SPTLC1: variants seen among roughly 807,000 people sequenced by gnomAD.
The protein encoded by SPTLC1 is serine palmitoyltransferase long chain base subunit 1, also known as serine palmitoyltransferase 1.
A neutral mutation model predicts 68.9 loss-of-function variants in SPTLC1; 55 were observed. That is an observed-to-expected ratio of 0.80 (90% CI 0.64 to 1.00). SPTLC1 has a LOEUF of 1.00. Ranked by LOEUF, SPTLC1 falls within the 50% of genes least tolerant of loss-of-function variation. The pLI, the probability that SPTLC1 is intolerant of heterozygous loss-of-function variation, is 0.00. For synonymous variants in SPTLC1, 197 were observed against 201.6 expected (o/e 0.98, Z 0.19); for missense variants, 449 against 573.1 (o/e 0.78, Z 2.21).
chr9:92,112,672 T>G, intron 1 of SPTLC1, 110 bp from the exon 2 acceptor site: 1 of 699,546 alleles, frequency 1.4e-6, no homozygotes, highest in South Asian at 1.6e-5. Context: ...AGCCTATTCT[T>G]AACAATTTAC....
chr9:92,115,290 G>T (rs756947693), intron 1 of SPTLC1, 24 bp downstream of exon 1: 1 of 1,610,956 alleles, frequency 6.2e-7, no homozygotes, highest in South Asian at 1.1e-5. Context: ...TGTGGTCGCG[G>T]ACCGCTAATG....
intron 3 of SPTLC1, among the ~76,000 whole-genome samples, chr9:92,088,577 A>G (rs1038036775): frequency 6.6e-6 from 1 of 152,196 alleles, no homozygotes; most frequent in Non-Finnish European, 1.5e-5. Context: ...ACAAACAAAT[A>G]CCGAGATAGA....
At chr9:92,114,105 C>A (rs1836343183) in intron 1 of SPTLC1, among the ~76,000 whole-genome samples, 1 of 150,980 alleles carries the variant, frequency 6.6e-6, no homozygotes, top group South Asian at 2.1e-4. Context: ...AAGCCCCCGT[C>A]TCTATTAAAA....
intron 12 of SPTLC1, among the ~76,000 whole-genome samples, chr9:92,040,803 T>C (rs893644604): frequency 4.0e-5 from 6 of 150,750 alleles, no homozygotes; most frequent in African/African-American, 1.5e-4. Context: ...GCACCTGAGG[T>C]CCAGATCTAA....
chr9:92,059,078 G>T, intron 7 of SPTLC1, 101 bp downstream of exon 7: 1 of 1,394,752 alleles, frequency 7.2e-7, no homozygotes, highest in Non-Finnish European at 9.9e-7. Flanking sequence ...ATCCAAATGT[G>T]ATCCACAGGC....
intron 3 of SPTLC1, among the ~76,000 whole-genome samples, chr9:92,095,765 A>G (rs1564112967): frequency 1.3e-5 from 2 of 152,208 alleles, no homozygotes; most frequent in East Asian, 1.9e-4. Flanking sequence ...AAGCAAATGG[A>G]TAAGTTGTAT....
At chr9:92,091,772 T>C (rs1369045837) in intron 3 of SPTLC1, among the ~76,000 whole-genome samples, 1 of 152,198 alleles carries the variant, frequency 6.6e-6, no homozygotes, top group Non-Finnish European at 1.5e-5. Context: ...TAAAAAATGA[T>C]ACTAGGATTA....
Position 92,046,034 on chromosome 9 carries a change from C to T in SPTLC1, c.1101G>A (p.Lys367=). The T allele has an allele frequency of 6.2e-7, 1 of 1,613,378 alleles. No individual in the cohort carries two copies. The highest frequency in any genetic ancestry group is 2.2e-5 in the East Asian group (1 of 44,844). Residue 367 remains lysine, a synonymous_variant, in exon 12 of 15, where the codon AAG becomes AAA. Coordinates refer to ENST00000262554, the MANE Select transcript of SPTLC1 (RefSeq NM_006415.4). ...CTTTATGAATTTGTCCGCACTTTTC[C>T]TTCAACACTGCAAAAATACCTAGAT... is the stretch of plus-strand genomic sequence containing the variant. ...EENPGIFAVL[K]EKCGQIHKAL...
chr9:92,103,157 C>T lies in SPTLC1; in HGVS notation c.260+5583G>A, dbSNP rs373938649. On this transcript the variant is annotated intron_variant, in intron 3 of 14. Transcript: ENST00000262554. ...ACTGGCAAATTTCTTTTAGGACAGA[C>T]CAAAGCTGATCTAGAACATAATCTT... Among the ~76,000 whole-genome samples, 152 of 152,292 alleles carry T rather than the reference C, an allele frequency of 1.0e-3. 1 individual carries two copies. Among genetic ancestry groups the T allele is most frequent in the Non-Finnish European group, 1.0e-3 (69 of 68,038 alleles).
chr9:92,063,380 T>C (rs541063201), intron 6 of SPTLC1, among the ~76,000 whole-genome samples: 2 of 152,188 alleles, frequency 1.3e-5, no homozygotes, highest in Non-Finnish European at 2.9e-5. Context: ...ATTAAGATAC[T>C]TGCAAAAAAG....
intron 5 of SPTLC1, among the ~76,000 whole-genome samples, chr9:92,072,058 C>T (rs1160670712): frequency 6.6e-6 from 1 of 152,188 alleles, no homozygotes; most frequent in South Asian, 2.1e-4. Flanking sequence ...CACTTGCACG[C>T]GAGTGAATAA....
Position 92,041,742 on chromosome 9 carries a change from A to T in SPTLC1, c.1137-3377T>A, listed in dbSNP as rs188265330. 3.9e-5 allele frequency among the ~76,000 whole-genome samples: 6 copies of T among 152,370 alleles called. No homozygotes were observed. The East Asian group carries it at 1.2e-3, about 29-fold the overall frequency. On this transcript the variant is annotated intron_variant, in intron 12 of 14. Coordinates refer to ENST00000262554, the MANE Select transcript of SPTLC1 (RefSeq NM_006415.4). ...TCAAATTAAAATATTAGCTAAATAA[A>T]TCTAACAGTGTAGAAAAAGATATTA... is the stretch of plus-strand genomic sequence containing the variant.
At position 92,035,007 on chromosome 9, in the gene SPTLC1, G is replaced by T; in HGVS notation, c.1255-124C>A. The T allele has an allele frequency of 3.6e-6, 3 of 840,934 alleles. No individual in the cohort carries two copies. In the African/African-American group the frequency reaches 5.0e-5, roughly 14 times the overall value. The allele number at this position is 840,934 out of a possible 1,614,324, so 52.1% of individuals were successfully genotyped here. A position where few individuals can be genotyped will look rare whatever the true frequency, so the allele number is the denominator to read the frequency against. On this transcript the variant is annotated intron_variant, in intron 13 of 14. Coordinates refer to ENST00000262554, the MANE Select transcript of SPTLC1 (RefSeq NM_006415.4). ...ACTTTTCCAATTATAATTGCTAGAA[G>T]ATATCACCAAAATACTACACCACCA...
intron 3 of SPTLC1, among the ~76,000 whole-genome samples, chr9:92,097,286 T>TC (rs1835562446): frequency 6.6e-6 from 1 of 152,226 alleles, no homozygotes; most frequent in Non-Finnish European, 1.5e-5. Flanking sequence ...CACAGAGTTA[T>TC]CACATGACAC....
rs969380277 is a variant in SPTLC1, at chr9:92,031,712, A to G, written c.*753T>C. The G allele has an allele frequency of 6.5e-6, 1 of 152,714 alleles. No individual in the cohort carries two copies. The highest frequency in any genetic ancestry group is 2.4e-5 in the African/African-American group (1 of 41,458). 9.5% of individuals were successfully genotyped at this position (152,714 alleles called of 1,614,324 possible). On this transcript the variant is annotated 3_prime_UTR_variant, in exon 15 of 15. Coordinates refer to ENST00000262554, the MANE Select transcript of SPTLC1 (RefSeq NM_006415.4). ...CATAATAACCAACTCTCTTCCTAAA[A>G]CAGATTAGAGGTGAACACATAAGAA...
intron 7 of SPTLC1, among the ~76,000 whole-genome samples, chr9:92,058,610 T>C (rs1302370361): frequency 1.3e-5 from 2 of 152,166 alleles, no homozygotes; most frequent in Admixed American, 6.5e-5. Flanking sequence ...TGTTAGGTTC[T>C]CGAGAGGAAA....
chr9:92,034,904 C>T (rs767258408), intron 13 of SPTLC1, 21 bp from the exon 14 acceptor site: 9 of 1,601,064 alleles, frequency 5.6e-6, no homozygotes, highest in Non-Finnish European at 7.7e-6. Context: ...AAAAAGAAGA[C>T]ATCTGCAACC....
At chr9:92,071,223 C>T (rs138376533) in intron 5 of SPTLC1, among the ~76,000 whole-genome samples, 3 of 133,206 alleles carry the variant, frequency 2.3e-5, no homozygotes, top group Non-Finnish European at 4.8e-5. Context: ...AACCCTATCT[C>T]TACTAAAAAA....
At chr9:92,048,151 C>T (rs1432358362) in intron 9 of SPTLC1, among the ~76,000 whole-genome samples, 1 of 152,132 alleles carries the variant, frequency 6.6e-6, no homozygotes, top group Non-Finnish European at 1.5e-5. Flanking sequence ...GTTTGCCTCT[C>T]AGCATTTCAT....
Sources: gnomAD v4.1 joint callset for allele counts (sites outside exome capture counted in the v4.1 genomes callset) on GRCh38, gnomAD v4.1.1 for gene constraint, MANE v1.5 for transcripts, NCBI Gene and HGNC (gene_info 2026-07-23, HGNC 2026-07-21) for gene names.